Variants in CUBN observed in about 807,000 individuals in gnomAD.
CUBN encodes the protein 460 kDa receptor.
A neutral mutation model predicts 405.3 loss-of-function variants in CUBN; 282 were observed. The observed-to-expected ratio is 0.70, with a 90% CI of 0.63 to 0.77. The LOEUF (loss-of-function observed/expected upper bound fraction) is 0.77. CUBN is among the 30% of genes least tolerant of loss of function. The pLI is 0.00. For missense variants in CUBN, 4,514 were observed against 4,475.2 expected (o/e 1.01, Z -0.25); for synonymous variants, 1,684 against 1,617.0 (o/e 1.04, Z -0.99).
chr10:16,936,791 C>T (rs1436491424), intron 39 of CUBN, among the ~76,000 whole-genome samples: 2 of 152,212 alleles, frequency 1.3e-5, no homozygotes, highest in African/African-American at 4.8e-5. Context: ...CGGCTCACTA[C>T]AAACTCTACT....
intron 27 of CUBN, among the ~76,000 whole-genome samples, chr10:17,027,080 G>A (rs1031026606): frequency 7.2e-5 from 11 of 152,330 alleles, no homozygotes; most frequent in Admixed American, 5.9e-4. Flanking sequence ...GTGGTGGCTA[G>A]TTGCTGTCTG....
At chr10:16,860,941 G>A (rs928779058) in intron 59 of CUBN, among the ~76,000 whole-genome samples, 3 of 152,090 alleles carry the variant, frequency 2.0e-5, no homozygotes, top group African/African-American at 7.2e-5. Flanking sequence ...ATGATAGCAC[G>A]CTCCAGCTCA....
chr10:17,046,122 T>C lies in CUBN; in HGVS notation c.3330-28A>G, dbSNP rs190984327. On this transcript the variant is annotated intron_variant, in intron 23 of 66. Transcript: ENST00000377833. ...GGCAGAATACAGAAATTAAAATTTA[T>C]TGGGTTACTGACAATATTACTGTAT... 2,302 of 1,599,474 alleles carry C rather than the reference T, an allele frequency of 1.4e-3. 3 individuals are homozygous for C. The highest frequency in any genetic ancestry group is 1.7e-3 in the Non-Finnish European group (2,027 of 1,167,502).
intron 27 of CUBN, among the ~76,000 whole-genome samples, chr10:17,028,226 T>TTTATTA (rs57633202): frequency 0.014 from 1,958 of 144,158 alleles, 25 homozygotes; most frequent in African/African-American, 0.029. Context: ...ACACTAAACA[T>TTTATTA]TTATTATTAT....
At chr10:16,908,645 A>G (rs935535213) in intron 48 of CUBN, among the ~76,000 whole-genome samples, 10 of 152,220 alleles carry the variant, frequency 6.6e-5, no homozygotes, top group African/African-American at 2.2e-4. Flanking sequence ...AATAATTCGC[A>G]AACTATTCTT....
At chr10:16,959,064 A>T (rs936090389) in intron 31 of CUBN, among the ~76,000 whole-genome samples, 3 of 152,124 alleles carry the variant, frequency 2.0e-5, no homozygotes, top group African/African-American at 4.8e-5. Context: ...TTTTATAGCA[A>T]CATTAATCCA....
chr10:16,844,956 C>A (rs1048899873), intron 60 of CUBN, among the ~76,000 whole-genome samples: 3 of 152,206 alleles, frequency 2.0e-5, no homozygotes, highest in African/African-American at 7.2e-5. Context: ...CTGCGATGGA[C>A]CTGGAGCTTG....
intron 28 of CUBN, among the ~76,000 whole-genome samples, chr10:16,999,330 G>C (rs1224160383): frequency 2.0e-5 from 3 of 152,152 alleles, no homozygotes; most frequent in African/African-American, 7.2e-5. Flanking sequence ...TTAATTTCCT[G>C]TATACAAAAG....
intron 22 of CUBN, among the ~76,000 whole-genome samples, chr10:17,059,073 C>A (rs1381941282): frequency 6.6e-6 from 1 of 150,776 alleles, no homozygotes; most frequent in Admixed American, 6.6e-5. Flanking sequence ...GGATCAAAGA[C>A]AACTGTTGGC....
At chr10:16,957,653 A>C (rs1843104400) in intron 31 of CUBN, among the ~76,000 whole-genome samples, 1 of 152,222 alleles carries the variant, frequency 6.6e-6, no homozygotes, top group Non-Finnish European at 1.5e-5. Flanking sequence ...TACAGCCATT[A>C]TGAAAAACAG....
intron 19 of CUBN, 105 bp downstream of exon 19, chr10:17,071,309 GACATATTGGTCT>G: frequency 9.8e-7 from 1 of 1,023,714 alleles, no homozygotes; most frequent in South Asian, 1.4e-5. Context: ...GTATCCATAA[GACATATTGGTCT>G]ACATAAACTA....
chr10:17,128,066 A>C, intron 2 of CUBN, 142 bp from the exon 3 acceptor site: 1 of 598,264 alleles, frequency 1.7e-6, no homozygotes, highest in South Asian at 2.0e-5. Flanking sequence ...CCAAAACAAC[A>C]CCATGCGTAA....
chr10:16,865,594 C>T (rs1041506487), intron 59 of CUBN, among the ~76,000 whole-genome samples: 3 of 152,064 alleles, frequency 2.0e-5, no homozygotes, highest in African/African-American at 4.8e-5. Flanking sequence ...CACCAATCAG[C>T]GCTCTGTAGC....
chr10:16,881,350 A>C (rs916277352), intron 56 of CUBN, among the ~76,000 whole-genome samples: 14 of 152,244 alleles, frequency 9.2e-5, no homozygotes, highest in Non-Finnish European at 1.9e-4. Flanking sequence ...AGTGTCACTT[A>C]TACTTGATTA....
At position 17,129,649 on chromosome 10, in the gene CUBN, G is replaced by A. The variant is rs574362602; in HGVS notation, c.117C>T (p.Leu39=). The A allele has an allele frequency of 3.1e-6, 5 of 1,614,142 alleles. No homozygotes were observed. Among genetic ancestry groups the A allele is most frequent in the East Asian group, 2.2e-5 (1 of 44,874 alleles). Residue 39 remains leucine (L), a synonymous_variant, in exon 1 of 67, where the codon CTC becomes CTT. Transcript: ENST00000377833. The part of the protein sequence containing the change: ...ELQRQKRSIN[L]QQPRMATERG... ...TGACCCATGTGTTTACTTACTGTTG[G>A]AGATTGATGCTTCTTTTTTGTCTCT... is the stretch of plus-strand genomic sequence containing the variant.
intron 62 of CUBN, among the ~76,000 whole-genome samples, chr10:16,838,377 G>A (rs1360626431): frequency 6.6e-6 from 1 of 152,210 alleles, no homozygotes; most frequent in Non-Finnish European, 1.5e-5. Flanking sequence ...GAACTGGGGA[G>A]GGTTAGTTGC....
At chr10:17,015,488 G>A (rs1349515536) in intron 28 of CUBN, among the ~76,000 whole-genome samples, 1 of 152,194 alleles carries the variant, frequency 6.6e-6, no homozygotes, top group East Asian at 1.9e-4. Flanking sequence ...CTGGTTACAG[G>A]ATGTCCCAGG....
intron 36 of CUBN, among the ~76,000 whole-genome samples, chr10:16,946,803 A>G (rs1157167729): frequency 6.6e-6 from 1 of 152,094 alleles, no homozygotes; most frequent in East Asian, 1.9e-4. Context: ...CCCCAGAACC[A>G]TTCTTCTGAC....
chr10:17,071,274 T>C (rs1016221728), intron 19 of CUBN, 152 bp downstream of exon 19: 1 of 767,528 alleles, frequency 1.3e-6, no homozygotes, highest in African/African-American at 1.7e-5. Context: ...ACTGAACCAG[T>C]ATTTTGCTGA....
Sources: gnomAD v4.1 joint callset for allele counts (sites outside exome capture counted in the v4.1 genomes callset) on GRCh38, gnomAD v4.1.1 for gene constraint, MANE v1.5 for transcripts, NCBI Gene and HGNC (gene_info 2026-07-23, HGNC 2026-07-21) for gene names.